REEP3: variants seen among roughly 807,000 people sequenced by gnomAD.
REEP3 encodes receptor accessory protein 3, also known as receptor expression-enhancing protein 3.
A neutral mutation model predicts 41.3 loss-of-function variants in REEP3; 20 were observed. The ratio of observed to expected loss-of-function variants is 0.48; its 90% CI spans 0.34 to 0.70. The LOEUF is 0.70. Ranked by LOEUF, REEP3 falls within the 30% of genes least tolerant of loss-of-function variation. The pLI, the probability that REEP3 is intolerant of heterozygous loss-of-function variation, is 0.01. For missense variants in REEP3, 271 were observed against 308.8 expected (o/e 0.88, Z 0.92); for synonymous variants, 104 against 101.8 (o/e 1.02, Z -0.13).
chr10:63,532,760 T>C (rs1382755965), intron 1 of REEP3, among the ~76,000 whole-genome samples: 1 of 151,674 alleles, frequency 6.6e-6, no homozygotes, highest in Non-Finnish European at 1.5e-5. Flanking sequence ...TAGCCGGGCA[T>C]GATGGCATGC....
At chr10:63,615,813 G>A (rs1221064646) in intron 6 of REEP3, among the ~76,000 whole-genome samples, 1 of 151,718 alleles carries the variant, frequency 6.6e-6, no homozygotes, top group Non-Finnish European at 1.5e-5. Flanking sequence ...CCAAAGTGCT[G>A]GGATTACAGG....
At chr10:63,533,708 A>ATTTTTTTTTTTT (rs1464023228) in intron 1 of REEP3, among the ~76,000 whole-genome samples, 1 of 93,914 alleles carries the variant, frequency 1.1e-5, no homozygotes, top group Non-Finnish European at 2.5e-5. Flanking sequence ...AAGTATGTAA[A>ATTTTTTTTTTTT]TCTTTTTTTT....
At chr10:63,558,061 T>G (rs1049695098) in intron 1 of REEP3, among the ~76,000 whole-genome samples, 6 of 152,222 alleles carry the variant, frequency 3.9e-5, no homozygotes, top group African/African-American at 1.4e-4. Context: ...TTTCTCTACT[T>G]CTTATGGATT....
At chr10:63,545,531 T>G (rs1255084421) in intron 1 of REEP3, among the ~76,000 whole-genome samples, 2 of 151,962 alleles carry the variant, frequency 1.3e-5, no homozygotes, top group Admixed American at 1.3e-4. Context: ...CCCGCCACCA[T>G]GCCCAGCTAA....
At chr10:63,539,600 C>T (rs2133349192) in intron 1 of REEP3, among the ~76,000 whole-genome samples, 1 of 152,176 alleles carries the variant, frequency 6.6e-6, no homozygotes, top group South Asian at 2.1e-4. Flanking sequence ...CGAGATCAGC[C>T]TGGGCAACAT....
intron 2 of REEP3, among the ~76,000 whole-genome samples, chr10:63,574,556 C>T (rs1201795458): frequency 6.6e-6 from 1 of 152,144 alleles, no homozygotes; most frequent in East Asian, 1.9e-4. Context: ...TTAAACATAA[C>T]AGTACCTGTC....
chr10:63,524,974 T>C (rs1301316474), intron 1 of REEP3, among the ~76,000 whole-genome samples: 1 of 150,426 alleles, frequency 6.6e-6, no homozygotes, highest in Admixed American at 6.6e-5. Flanking sequence ...ATCGTGCCAC[T>C]GCACTCCAGC....
chr10:63,562,068 C>G (rs1235501423), intron 1 of REEP3, among the ~76,000 whole-genome samples: 1 of 152,066 alleles, frequency 6.6e-6, no homozygotes, highest in African/African-American at 2.4e-5. Flanking sequence ...TGTTTACACT[C>G]TAGTTAGTTT....
chr10:63,587,492 G>T (rs956881034), intron 2 of REEP3, among the ~76,000 whole-genome samples: 7 of 152,156 alleles, frequency 4.6e-5, no homozygotes, highest in African/African-American at 1.7e-4. Context: ...CTCTTATACT[G>T]CGGTAGGCTA....
chr10:63,586,771 A>G (rs931512322), intron 2 of REEP3, among the ~76,000 whole-genome samples: 27 of 152,096 alleles, frequency 1.8e-4, no homozygotes, highest in African/African-American at 5.6e-4. Flanking sequence ...TGCTCAAGCA[A>G]TCCTCCCACC....
chr10:63,558,703 AC>A (rs1228272700), intron 1 of REEP3, among the ~76,000 whole-genome samples: 1 of 152,098 alleles, frequency 6.6e-6, no homozygotes, highest in South Asian at 2.1e-4. Context: ...AGATCATGCC[AC>A]TGCGTTCCAG....
At chr10:63,619,046 G>C (rs10465964) in intron 6 of REEP3, among the ~76,000 whole-genome samples, 2,179 of 152,278 alleles carry the variant, frequency 0.014, 54 homozygotes, top group African/African-American at 0.05. Flanking sequence ...AATTACTGCA[G>C]CCTACCTGGC....
chr10:63,599,486 T>C (rs1762395217), intron 5 of REEP3, among the ~76,000 whole-genome samples: 1 of 152,254 alleles, frequency 6.6e-6, no homozygotes, highest in African/African-American at 2.4e-5. Context: ...CATCACAAAA[T>C]GAGGTCGTTA....
At chr10:63,573,224 A>AT (rs1955869108) in intron 2 of REEP3, among the ~76,000 whole-genome samples, 1 of 152,182 alleles carries the variant, frequency 6.6e-6, no homozygotes, top group African/African-American at 2.4e-5. Flanking sequence ...TCCTTTGCCT[A>AT]TTTTTAAAAC....
intron 3 of REEP3, among the ~76,000 whole-genome samples, chr10:63,596,332 C>A (rs532202874): frequency 7.0e-6 from 1 of 141,884 alleles, no homozygotes; most frequent in Non-Finnish European, 1.6e-5. Context: ...CGTGCTACAT[C>A]GAAGTTTCCA....
At chr10:63,556,616 TTTTTTTTTTGTTGTTTTG>T (rs1194619169) in intron 1 of REEP3, among the ~76,000 whole-genome samples, 38,406 of 60,524 alleles carry the variant, frequency 0.63, 9,828 homozygotes, top group South Asian at 0.72. Context: ...GTTTGCTTGT[TTTTTTTTTTGTTGTTTTG>T]TTTTTTTTTT....
At chr10:63,597,920 AC>A in intron 3 of REEP3, 103 bp from the exon 4 acceptor site, 41 of 1,049,490 alleles carry the variant, frequency 3.9e-5, no homozygotes, top group Admixed American at 1.2e-4. Context: ...AAAAAAAAAA[AC>A]AAAAAACAGC....
chr10:63,593,273 AT>A (rs1404608770), intron 2 of REEP3, among the ~76,000 whole-genome samples: 1 of 152,152 alleles, frequency 6.6e-6, no homozygotes, highest in East Asian at 1.9e-4. Flanking sequence ...AAGGACCTAA[AT>A]TTTTTTGTCA....
intron 6 of REEP3, among the ~76,000 whole-genome samples, chr10:63,612,608 T>A (rs920623938): frequency 6.6e-6 from 1 of 152,086 alleles, no homozygotes; most frequent in South Asian, 2.1e-4. Context: ...CTGGCCAACA[T>A]GGCGAAACCC....
Sources: allele counts gnomAD v4.1 joint callset (sites outside exome capture counted in the v4.1 genomes callset), GRCh38; gene constraint gnomAD v4.1.1; transcripts MANE v1.5; gene names NCBI Gene and HGNC (gene_info 2026-07-23, HGNC 2026-07-21).